The following KCNIP4 variants were observed in gnomAD, a reference collection of about 807,000 sequenced individuals.
KCNIP4 encodes the protein potassium voltage-gated channel interacting protein 4.
Under a neutral mutation model 34.0 loss-of-function variants are expected in KCNIP4, and 12 were observed. The observed-to-expected ratio is 0.35, with a 90% CI of 0.23 to 0.57. KCNIP4 has a LOEUF of 0.57. Among genes scored for constraint, KCNIP4 ranks in the 20% least tolerant of loss-of-function variants. The pLI, the probability that KCNIP4 is intolerant of heterozygous loss-of-function variation, is 0.83. For synonymous variants in KCNIP4, 124 were observed against 102.2 expected (o/e 1.21, Z -1.29); for missense variants, 238 against 311.7 (o/e 0.76, Z 1.78).
At chr4:21,738,890 G>A (rs1370676300) in intron 1 of KCNIP4, among the ~76,000 whole-genome samples, 1 of 152,072 alleles carries the variant, frequency 6.6e-6, no homozygotes, top group East Asian at 1.9e-4. Flanking sequence ...AACAAAAAGG[G>A]AAGAAGAGTT....
intron 1 of KCNIP4, among the ~76,000 whole-genome samples, chr4:21,486,081 A>G (rs1279669199): frequency 1.3e-5 from 2 of 152,216 alleles, no homozygotes; most frequent in African/African-American, 4.8e-5. Context: ...CACCTAGCAG[A>G]CTATCTCAGG....
intron 1 of KCNIP4, among the ~76,000 whole-genome samples, chr4:21,364,396 T>C (rs1393446411): frequency 1.3e-5 from 2 of 152,086 alleles, no homozygotes; most frequent in Admixed American, 1.3e-4. Flanking sequence ...AGAATACTAT[T>C]ATATAACATC....
At chr4:20,736,061 A>G (rs1008026709) in intron 5 of KCNIP4, among the ~76,000 whole-genome samples, 3 of 152,202 alleles carry the variant, frequency 2.0e-5, no homozygotes, top group Non-Finnish European at 4.4e-5. Flanking sequence ...ATATAGTTCA[A>G]CATTTAAAAA....
intron 1 of KCNIP4, among the ~76,000 whole-genome samples, chr4:21,592,015 T>G (rs903334809): frequency 1.3e-5 from 2 of 152,088 alleles, no homozygotes; most frequent in African/African-American, 4.8e-5. Context: ...GAATTCAGAC[T>G]TACTGAGACC....
At chr4:20,732,919 G>A (rs1004254253) in intron 6 of KCNIP4, 134 bp from the exon 7 acceptor site, 2 of 591,042 alleles carry the variant, frequency 3.4e-6, no homozygotes, top group East Asian at 2.9e-5. Context: ...TTAGACGACT[G>A]TTGGTTGTCC....
Position 21,475,145 on chromosome 4 carries a change from G to A in KCNIP4, c.61+473426C>T, listed in dbSNP as rs1002772485. ...CTCTCCTAACATATTTTTATTAGGA[G>A]TTTAACAGGCCAATATATTCTTTCT... is the stretch of plus-strand genomic sequence containing the variant. On this transcript the variant is annotated intron_variant, in intron 1 of 8. Transcript: ENST00000382152. 5.9e-5 allele frequency among the ~76,000 whole-genome samples: 9 copies of A among 152,156 alleles called. 1 individual carries two copies. The South Asian group carries it at 8.3e-4, about 14-fold the overall frequency.
intron 6 of KCNIP4, among the ~76,000 whole-genome samples, chr4:20,734,419 G>A (rs2149272735): frequency 6.6e-6 from 1 of 152,244 alleles, no homozygotes; most frequent in Non-Finnish European, 1.5e-5. Context: ...AAACAAGGGT[G>A]TAATCTTTAT....
At chr4:20,953,870 T>C (rs1418419035) in intron 1 of KCNIP4, among the ~76,000 whole-genome samples, 1 of 152,180 alleles carries the variant, frequency 6.6e-6, no homozygotes, top group African/African-American at 2.4e-5. Context: ...CAGCCCTGAT[T>C]CTTCTTCTTC....
chr4:20,849,921 G>A (rs192666474), intron 3 of KCNIP4, among the ~76,000 whole-genome samples: 152 of 152,274 alleles, frequency 1.0e-3, no homozygotes, highest in African/African-American at 3.4e-3. Context: ...TATTTGGTAA[G>A]AGACTGTGTC....
At chr4:20,738,768 T>C (rs2149292080) in intron 5 of KCNIP4, among the ~76,000 whole-genome samples, 1 of 152,084 alleles carries the variant, frequency 6.6e-6, no homozygotes, top group East Asian at 1.9e-4. Context: ...GCCCACAGAG[T>C]GTGAGCCGAA....
intron 3 of KCNIP4, among the ~76,000 whole-genome samples, chr4:20,825,310 T>C (rs1717623784): frequency 3.4e-5 from 5 of 149,042 alleles, no homozygotes; most frequent in Admixed American, 2.7e-4. Context: ...TGGAGACAAT[T>C]AGAACATTCC....
intron 1 of KCNIP4, among the ~76,000 whole-genome samples, chr4:21,284,071 G>T (rs1184258300): frequency 6.6e-6 from 1 of 152,012 alleles, no homozygotes; most frequent in African/African-American, 2.4e-5. Context: ...AAATTAGCCA[G>T]GTGTGGTGGC....
chr4:21,943,408 T>C (rs747911729), intron 1 of KCNIP4, among the ~76,000 whole-genome samples: 26 of 151,988 alleles, frequency 1.7e-4, no homozygotes, highest in Non-Finnish European at 3.4e-4. Flanking sequence ...ACAGGAGATA[T>C]AGCTGGTTAT....
At chr4:20,754,005 C>T (rs1477387101) in intron 4 of KCNIP4, among the ~76,000 whole-genome samples, 1 of 152,106 alleles carries the variant, frequency 6.6e-6, no homozygotes, top group Non-Finnish European at 1.5e-5. Context: ...GCAGGAATAG[C>T]CCAGGAAACT....
chr4:21,919,436 TG>T (rs1353529537), intron 1 of KCNIP4, among the ~76,000 whole-genome samples: 1 of 152,152 alleles, frequency 6.6e-6, no homozygotes, highest in Admixed American at 6.5e-5. Context: ...GCTTTGGTAA[TG>T]TTAAATATAT....
chr4:20,995,353 G>A (rs149652900), intron 1 of KCNIP4, among the ~76,000 whole-genome samples: 83 of 152,252 alleles, frequency 5.5e-4, no homozygotes, highest in African/African-American at 1.9e-3. Context: ...CAATGAATGC[G>A]TTAATGTAGT....
chr4:21,886,941 A>T (rs1020922195), intron 1 of KCNIP4, among the ~76,000 whole-genome samples: 1 of 152,070 alleles, frequency 6.6e-6, no homozygotes, highest in Non-Finnish European at 1.5e-5. Context: ...CCACTGAAAA[A>T]ACTGGATGAA....
intron 2 of KCNIP4, among the ~76,000 whole-genome samples, chr4:20,875,382 G>C (rs542004528): frequency 6.6e-6 from 1 of 152,098 alleles, no homozygotes; most frequent in Non-Finnish European, 1.5e-5. Context: ...TCTGTAAAAT[G>C]GGTATAATCC....
chr4:21,640,403 T>G (rs1329459249), intron 1 of KCNIP4, among the ~76,000 whole-genome samples: 1 of 152,188 alleles, frequency 6.6e-6, no homozygotes, highest in East Asian at 1.9e-4. Context: ...AACTTGTTTT[T>G]TACACTTAGG....
Sources: gnomAD v4.1 joint callset for allele counts (sites outside exome capture counted in the v4.1 genomes callset) on GRCh38, gnomAD v4.1.1 for gene constraint, MANE v1.5 for transcripts, NCBI Gene and HGNC (gene_info 2026-07-23, HGNC 2026-07-21) for gene names.